The following RBFOX1 variants were observed in gnomAD, a reference collection of about 807,000 sequenced individuals.
RBFOX1 encodes RNA binding protein fox-1 homolog 1.
Under a neutral mutation model 57.7 loss-of-function variants are expected in RBFOX1, and 8 were observed. The ratio of observed to expected loss-of-function variants is 0.14; its 90% CI spans 0.08 to 0.25. The LOEUF (loss-of-function observed/expected upper bound fraction) is 0.25. Ranked by LOEUF, RBFOX1 falls within the 10% of genes least tolerant of loss-of-function variation. The pLI, the probability that RBFOX1 is intolerant of heterozygous loss-of-function variation, is 1.00. For missense variants in RBFOX1, 611 were observed against 548.5 expected (o/e 1.11, Z -1.14); for synonymous variants, 326 against 222.4 (o/e 1.47, Z -4.15).
chr16:7,430,770 G>A (rs970193282), intron 4 of RBFOX1, among the ~76,000 whole-genome samples: 1 of 152,128 alleles, frequency 6.6e-6, no homozygotes, highest in Non-Finnish European at 1.5e-5. Flanking sequence ...CACACAGGAA[G>A]CCTGGTCGTC....
chr16:5,334,059 G>T (rs541320102), intron 1 of RBFOX1, among the ~76,000 whole-genome samples: 1 of 150,776 alleles, frequency 6.6e-6, no homozygotes. Flanking sequence ...GCCGATTTCT[G>T]TCAGGAGTAC....
chr16:6,244,384 G>A (rs1026821129), intron 1 of RBFOX1, among the ~76,000 whole-genome samples: 3 of 152,168 alleles, frequency 2.0e-5, no homozygotes, highest in African/African-American at 7.2e-5. Flanking sequence ...GGAGATCAGA[G>A]AGTCCACCCT....
intron 3 of RBFOX1, among the ~76,000 whole-genome samples, chr16:6,883,758 ATGT>A (rs2063411282): frequency 6.6e-6 from 1 of 152,042 alleles, no homozygotes; most frequent in Admixed American, 6.6e-5. Context: ...GTTCTTATAG[ATGT>A]TGTGAGCTGA....
chr16:7,323,713 C>A (rs1451188347), intron 4 of RBFOX1, among the ~76,000 whole-genome samples: 2 of 152,098 alleles, frequency 1.3e-5, no homozygotes, highest in Admixed American at 6.5e-5. Context: ...ATAACAGATA[C>A]AATGAAATGA....
At chr16:6,834,185 T>C (rs2092920879) in intron 3 of RBFOX1, among the ~76,000 whole-genome samples, 1 of 152,116 alleles carries the variant, frequency 6.6e-6, no homozygotes, top group Non-Finnish European at 1.5e-5. Context: ...GTGATTGTCC[T>C]GCCTCAGCCT....
chr16:6,078,879 T>C (rs2095953823), intron 1 of RBFOX1, among the ~76,000 whole-genome samples: 1 of 152,254 alleles, frequency 6.6e-6, no homozygotes, highest in South Asian at 2.1e-4. Flanking sequence ...ATCTGAAAAC[T>C]GTGCATGGTG....
At chr16:5,358,251 C>T (rs2065448276) in intron 1 of RBFOX1, among the ~76,000 whole-genome samples, 1 of 150,812 alleles carries the variant, frequency 6.6e-6, no homozygotes, top group Non-Finnish European at 1.5e-5. Flanking sequence ...TGTGTCCAAG[C>T]TTCCCCTTTT....
chr16:6,769,950 C>T (rs941131793), intron 3 of RBFOX1, among the ~76,000 whole-genome samples: 1 of 152,132 alleles, frequency 6.6e-6, no homozygotes, highest in Non-Finnish European at 1.5e-5. Context: ...CTGTTCCTAT[C>T]TATGTGCCTT....
chr16:7,497,514 C>G (rs751820008), intron 4 of RBFOX1, among the ~76,000 whole-genome samples: 2 of 152,156 alleles, frequency 1.3e-5, no homozygotes, highest in Non-Finnish European at 2.9e-5. Context: ...TGGTATCTCT[C>G]TTTATCCAGA....
At chr16:5,471,688 C>T (rs545419172) in intron 2 of RBFOX1, among the ~76,000 whole-genome samples, 26 of 152,274 alleles carry the variant, frequency 1.7e-4, no homozygotes, top group Admixed American at 1.3e-4. Context: ...ATAAAGCACT[C>T]GTGGGACCTC....
chr16:6,550,296 C>G (rs1042760176), intron 2 of RBFOX1, among the ~76,000 whole-genome samples: 2 of 152,086 alleles, frequency 1.3e-5, no homozygotes, highest in Non-Finnish European at 1.5e-5. Flanking sequence ...CTTGCCTCAA[C>G]CTTCCAAACA....
chr16:5,989,392 A>G (rs1317457216), intron 4 of RBFOX1, among the ~76,000 whole-genome samples: 9 of 152,152 alleles, frequency 5.9e-5, no homozygotes, highest in Non-Finnish European at 1.0e-4. Context: ...GGGTTTCCCT[A>G]TAAAATGAGA....
chr16:6,339,996 A>G (rs1468413427), intron 2 of RBFOX1, among the ~76,000 whole-genome samples: 1 of 152,182 alleles, frequency 6.6e-6, no homozygotes, highest in Admixed American at 6.6e-5. Context: ...CAATTCTTAA[A>G]CAAAAGCTTT....
intron 3 of RBFOX1, among the ~76,000 whole-genome samples, chr16:7,041,153 G>T (rs7195750): frequency 6.8e-6 from 1 of 147,578 alleles, no homozygotes; most frequent in Non-Finnish European, 1.5e-5. Context: ...TCAGGCTGGT[G>T]TCGAACATCT....
At chr16:6,957,144 A>G (rs921871532) in intron 3 of RBFOX1, among the ~76,000 whole-genome samples, 1 of 146,334 alleles carries the variant, frequency 6.8e-6, no homozygotes, top group South Asian at 2.2e-4. Context: ...TTATTTATTT[A>G]TTTTTGAGAT....
At chr16:5,636,193 C>G (rs572308441) in intron 3 of RBFOX1, among the ~76,000 whole-genome samples, 4 of 152,012 alleles carry the variant, frequency 2.6e-5, no homozygotes, top group Non-Finnish European at 4.4e-5. Flanking sequence ...ACTAAAAATA[C>G]AAAAATTAGC....
In RBFOX1 at chr16:5,670,483, A is replaced by G. The variant is rs561576216; in HGVS notation, c.318+71522A>G. 2.6e-4 allele frequency among the ~76,000 whole-genome samples: 39 copies of G among 152,350 alleles called. No homozygotes were observed. In the South Asian group the frequency reaches 4.4e-3, roughly 17 times the overall value. ...GTAAGTTGTGAATGTAGGCTGAGCTATGGAAGATATGGGAACATATGCCTT... is the reference window on the plus strand; with the variant it reads ...GTAAGTTGTGAATGTAGGCTGAGCTGTGGAAGATATGGGAACATATGCCTT... On this transcript the variant is annotated intron_variant, in intron 3 of 19. Transcript: ENST00000641259.
intron 1 of RBFOX1, among the ~76,000 whole-genome samples, chr16:6,174,265 T>G (rs1309619089): frequency 6.6e-6 from 1 of 152,156 alleles, no homozygotes; most frequent in African/African-American, 2.4e-5. Flanking sequence ...TGTTGCGCTG[T>G]CATCAGAAAG....
At chr16:7,188,939 A>G (rs1173465133) in intron 4 of RBFOX1, among the ~76,000 whole-genome samples, 2 of 152,170 alleles carry the variant, frequency 1.3e-5, no homozygotes, top group Non-Finnish European at 1.5e-5. Context: ...CATGAAGACT[A>G]TAATTGCAGC....
Sources: gnomAD v4.1 joint callset for allele counts (sites outside exome capture counted in the v4.1 genomes callset) on GRCh38, gnomAD v4.1.1 for gene constraint, MANE v1.5 for transcripts, NCBI Gene and HGNC (gene_info 2026-07-23, HGNC 2026-07-21) for gene names.